The following IFT122 variants were observed in gnomAD, a reference collection of about 807,000 sequenced individuals.
IFT122 encodes the protein intraflagellar transport 122.
In IFT122, 118 loss-of-function variants were observed where a neutral mutation model predicts 161.6. That is an observed-to-expected ratio of 0.73 (90% CI 0.63 to 0.85). The LOEUF is 0.85. IFT122 is among the 40% of genes least tolerant of loss of function. IFT122 has a pLI of 0.00. For synonymous variants in IFT122, 550 were observed against 602.4 expected (o/e 0.91, Z 1.27); for missense variants, 1,381 against 1,579.6 (o/e 0.87, Z 2.13).
chr3:129,447,934 C>G (rs896729570), intron 1 of IFT122, among the ~76,000 whole-genome samples: 2 of 152,232 alleles, frequency 1.3e-5, no homozygotes, highest in Admixed American at 1.3e-4. Flanking sequence ...TTAAAAGAGC[C>G]CTGGTTGAGG....
At chr3:129,516,111 C>CTGCCCCTGCACACACAG (rs1560020039) in intron 26 of IFT122, among the ~76,000 whole-genome samples, 6 of 128,096 alleles carry the variant, frequency 4.7e-5, no homozygotes, top group East Asian at 2.8e-4. Flanking sequence ...CACACACACA[C>CTGCCCCTGCACACACAG]AGACTGCCCC....
intron 5 of IFT122, 89 bp from the exon 6 acceptor site, chr3:129,463,471 G>GT: frequency 8.9e-6 from 9 of 1,011,926 alleles, no homozygotes; most frequent in Non-Finnish European, 1.3e-5. Flanking sequence ...ATCCATCTAA[G>GT]TTGTTGTATG....
At chr3:129,519,945 C>T (rs2084541934) in intron 29 of IFT122, among the ~76,000 whole-genome samples, 1 of 152,162 alleles carries the variant, frequency 6.6e-6, no homozygotes, top group Non-Finnish European at 1.5e-5. Context: ...CTCCCCAAAT[C>T]CTGGGGGCCC....
chr3:129,477,559 C>G (rs1702912622), intron 11 of IFT122, among the ~76,000 whole-genome samples: 1 of 152,216 alleles, frequency 6.6e-6, no homozygotes, highest in Admixed American at 6.5e-5. Flanking sequence ...GGCAGCTTCA[C>G]AGTGTCCCCC....
At chr3:129,519,073 G>C in intron 27 of IFT122, 34 bp from the exon 28 acceptor site, 1 of 1,587,346 alleles carries the variant, frequency 6.3e-7, no homozygotes. Context: ...CTCCATCTCT[G>C]CTTCTGATTC....
chr3:129,503,672 G>A (rs1210690067), intron 20 of IFT122, among the ~76,000 whole-genome samples: 1 of 152,130 alleles, frequency 6.6e-6, no homozygotes, highest in African/African-American at 2.4e-5. Context: ...CAGCTCCATT[G>A]GTGAGGTGAT....
intron 1 of IFT122, among the ~76,000 whole-genome samples, chr3:129,447,929 A>G (rs1335071361): frequency 6.6e-6 from 1 of 152,234 alleles, no homozygotes; most frequent in Admixed American, 6.5e-5. Flanking sequence ...AAATTTTAAA[A>G]GAGCCCTGGT....
intron 3 of IFT122, among the ~76,000 whole-genome samples, chr3:129,452,557 C>T (rs771999581): frequency 1.3e-5 from 2 of 152,038 alleles, no homozygotes; most frequent in Admixed American, 6.5e-5. Context: ...GAGCTCTTTG[C>T]AGAGGAAGAG....
Position 129,507,771 on chromosome 3 carries a change from G to A in IFT122, c.2886+9G>A. 1 of 1,609,354 alleles carries A rather than the reference G, an allele frequency of 6.2e-7. No homozygotes were observed. ...CCATCCATCGCCACACGGTAAGGTG[G>A]CTGGGTCACCAGCACCTGAGGGTAC... is the stretch of plus-strand genomic sequence containing the variant. On this transcript the variant is annotated intron_variant, in intron 23 of 29. Transcript: ENST00000348417.
intron 23 of IFT122, 67 bp from the exon 24 acceptor site, chr3:129,512,245 C>A: frequency 9.4e-7 from 1 of 1,061,304 alleles, no homozygotes; most frequent in East Asian, 2.4e-5. Flanking sequence ...TTGGTGTCTG[C>A]CTTTTGGCCT....
Position 129,461,067 on chromosome 3 carries a change from T to A in IFT122, c.273-161T>A. ...GTGAGGAGAAGGAGAATTAATTCTTTAGGAGTAGGAGAATTAATTTCTGTG... is the reference window on the plus strand; with the variant it reads ...GTGAGGAGAAGGAGAATTAATTCTTAAGGAGTAGGAGAATTAATTTCTGTG... On this transcript the variant is annotated intron_variant, in intron 4 of 29. Coordinates refer to ENST00000348417, the MANE Select transcript of IFT122 (RefSeq NM_052989.3). 5.4e-6 allele frequency: 5 copies of A among 934,234 alleles called. No individual in the cohort carries two copies. The South Asian group carries it at 6.7e-5, about 12-fold the overall frequency. 57.9% of individuals were successfully genotyped at this position (934,234 alleles called of 1,614,324 possible). A position where few individuals can be genotyped will look rare whatever the true frequency, so the allele number is the denominator to read the frequency against.
chr3:129,476,182 G>A, intron 9 of IFT122, 133 bp from the exon 10 acceptor site: 1 of 917,090 alleles, frequency 1.1e-6, no homozygotes, highest in Non-Finnish European at 1.7e-6. Flanking sequence ...GGATGACACA[G>A]GAGAAAAGGC....
chr3:129,515,175 G>A (rs1425757149), intron 25 of IFT122: 15 of 512,998 alleles, frequency 2.9e-5, no homozygotes, highest in South Asian at 1.2e-4. Flanking sequence ...CACGGTGCCC[G>A]GAGCATGGTA....
intron 14 of IFT122, among the ~76,000 whole-genome samples, chr3:129,482,566 T>A (rs1313892228): frequency 2.0e-5 from 3 of 151,972 alleles, no homozygotes; most frequent in Non-Finnish European, 4.4e-5. Context: ...GCAGCCTCAG[T>A]CAATTAGAAG....
rs1401721781 is a variant in IFT122, at chr3:129,464,691, T to A, written c.473T>A (p.Ile158Lys). 6.2e-7 allele frequency: 1 copy of A among 1,613,976 alleles called. No individual in the cohort carries two copies. Among genetic ancestry groups the A allele is most frequent in the Non-Finnish European group, 8.5e-7 (1 of 1,179,938 alleles). Reference sequence around the variant, plus strand: ...GGGATGTTCAATGGGATCATCAGCATACGGAACAAAAATGGCGAGGAGAAA... The same window carrying A: ...GGGATGTTCAATGGGATCATCAGCAAACGGAACAAAAATGGCGAGGAGAAA... ...ALGMFNGIIS[I>K]RNKNGEEKVK... The change falls in exon 7 of 30, where the codon ATA (isoleucine) becomes AAA (lysine). Residue 158 changes from isoleucine (I) to lysine (K), a missense_variant. By Grantham distance (102) the Ile-to-Lys change is moderately radical (BLOSUM62 -3). Coordinates refer to ENST00000348417, the MANE Select transcript of IFT122 (RefSeq NM_052989.3).
At chr3:129,463,072 G>A (rs1301463610) in intron 5 of IFT122, 1 of 154,080 alleles carries the variant, frequency 6.5e-6, no homozygotes, top group African/African-American at 2.4e-5. Context: ...CTGAAAGAAT[G>A]ATAGATTCAT....
At chr3:129,492,222 A>G in intron 17 of IFT122, 28 bp downstream of exon 17, 1 of 1,565,624 alleles carries the variant, frequency 6.4e-7, no homozygotes, top group Non-Finnish European at 8.8e-7. Flanking sequence ...TTTCCTTCTC[A>G]AGAAGGCATA....
At chr3:129,442,039 C>G (rs991166824) in intron 1 of IFT122, among the ~76,000 whole-genome samples, 2 of 151,938 alleles carry the variant, frequency 1.3e-5, no homozygotes, top group Non-Finnish European at 2.9e-5. Flanking sequence ...TTACCAGAAG[C>G]TAGGAATCTG....
intron 15 of IFT122, among the ~76,000 whole-genome samples, chr3:129,484,834 C>G (rs1351437998): frequency 1.3e-5 from 2 of 152,196 alleles, no homozygotes; most frequent in East Asian, 3.8e-4. Context: ...GGAAATAATA[C>G]AGAGATCCCT....
Sources: allele counts gnomAD v4.1 joint callset (sites outside exome capture counted in the v4.1 genomes callset), GRCh38; gene constraint gnomAD v4.1.1; transcripts MANE v1.5; gene names NCBI Gene and HGNC (gene_info 2026-07-23, HGNC 2026-07-21).